The following SOX6 variants were observed in gnomAD, a reference collection of about 807,000 sequenced individuals.
SOX6 encodes transcription factor SOX-6.
In SOX6, 11 loss-of-function variants were observed where a neutral mutation model predicts 97.8. The observed-to-expected ratio is 0.11, with a 90% CI of 0.07 to 0.19. The LOEUF (loss-of-function observed/expected upper bound fraction) is 0.19. Ranked by LOEUF, SOX6 falls within the 10% of genes least tolerant of loss-of-function variation. The probability of loss-of-function intolerance (pLI) is 1.00; values close to 1 mark genes in which losing one functional copy is unlikely to be tolerated. For synonymous variants in SOX6, 360 were observed against 371.4 expected (o/e 0.97, Z 0.35); for missense variants, 810 against 1,039.5 (o/e 0.78, Z 3.04).
rs193034742 is a variant in SOX6, at chr11:16,666,417, G to A, written n.429+48413C>T. Among the ~76,000 whole-genome samples, 1,170 of 152,272 alleles carry A rather than the reference G, an allele frequency of 7.7e-3. 14 individuals are homozygous for A. The highest frequency in any genetic ancestry group is 0.027 in the African/African-American group (1,116 of 41,544). On this transcript the variant is annotated intron_variant and non_coding_transcript_variant, in intron 3 of 5. Coordinates refer to the SOX6 transcript ENST00000524520. ...AATGGAAATTCTGGAGTTGAAAAAT[G>A]CAAATGACATACTGAATAATGCATC...
chr11:16,174,403 G>A (rs1851126611), intron 6 of SOX6, among the ~76,000 whole-genome samples: 2 of 151,814 alleles, frequency 1.3e-5, no homozygotes, highest in African/African-American at 4.8e-5. Flanking sequence ...AAGTAATTCA[G>A]CTTCTTACAG....
intron 13 of SOX6, among the ~76,000 whole-genome samples, chr11:15,996,221 T>A (rs1275542632): frequency 2.0e-5 from 3 of 152,160 alleles, no homozygotes; most frequent in Non-Finnish European, 4.4e-5. Flanking sequence ...GATGAGGGTA[T>A]AAATAGAATT....
At chr11:16,524,477 T>C (rs1861123412) in intron 4 of SOX6, among the ~76,000 whole-genome samples, 1 of 152,108 alleles carries the variant, frequency 6.6e-6, no homozygotes, top group Non-Finnish European at 1.5e-5. Context: ...TGATGGGACA[T>C]ATCTCAAAAT....
chr11:16,721,504 CTCTCTCTCT>C (rs1848261741), intron 2 of SOX6, among the ~76,000 whole-genome samples: 1 of 9,156 alleles, frequency 1.1e-4, no homozygotes, highest in Non-Finnish European at 2.3e-4. Flanking sequence ...TTTTCTGTCT[CTCTCTCTCT>C]CTCTCTCTCT....
chr11:15,976,664 T>G (rs1304821995), intron 15 of SOX6, among the ~76,000 whole-genome samples: 1 of 152,178 alleles, frequency 6.6e-6, no homozygotes, highest in Non-Finnish European at 1.5e-5. Flanking sequence ...GAGGACTTCC[T>G]CTTTACCGCA....
At chr11:16,449,361 C>T (rs534833801) in intron 1 of SOX6, among the ~76,000 whole-genome samples, 126 of 133,540 alleles carry the variant, frequency 9.4e-4, no homozygotes, top group Middle Eastern at 4.9e-3. Context: ...GGAGCCATCT[C>T]GGCTCACTGC....
rs550553887 is a variant in SOX6, at chr11:16,161,862, G to A, written c.777+22024C>T. Among the ~76,000 whole-genome samples, 6 of 152,292 alleles carry A rather than the reference G, an allele frequency of 3.9e-5. No homozygotes were observed. In the South Asian group the frequency reaches 1.2e-3, roughly 32 times the overall value. ...TGTTCCAACATACTAACTCATGGCA[G>A]GAGGCTAAAGTTAAGGATATTTTAT... On this transcript the variant is annotated intron_variant, in intron 6 of 15. Coordinates refer to ENST00000683767, the MANE Select transcript of SOX6 (RefSeq NM_001367873.1).
chr11:16,725,131 T>C (rs554487311), intron 2 of SOX6, among the ~76,000 whole-genome samples: 8 of 152,330 alleles, frequency 5.3e-5, no homozygotes, highest in African/African-American at 1.9e-4. Flanking sequence ...AACTGATGAA[T>C]GGACAAACAA....
At chr11:16,649,207 T>C (rs1012586548) in intron 3 of SOX6, among the ~76,000 whole-genome samples, 1 of 152,306 alleles carries the variant, frequency 6.6e-6, no homozygotes. Context: ...GAGGGAATAA[T>C]TGAGGAAAAC....
intron 1 of SOX6, among the ~76,000 whole-genome samples, chr11:16,367,646 A>G (rs1857391790): frequency 6.6e-6 from 1 of 152,168 alleles, no homozygotes; most frequent in Admixed American, 6.6e-5. Context: ...ACTGCTCTCA[A>G]TCTCACCCTC....
intron 1 of SOX6, among the ~76,000 whole-genome samples, chr11:16,456,843 A>G (rs1042198082): frequency 2.0e-5 from 3 of 152,150 alleles, no homozygotes; most frequent in African/African-American, 7.2e-5. Context: ...TTTCTATGCT[A>G]GAACCACCTT....
chr11:16,375,325 C>T (rs1048795964), intron 1 of SOX6, among the ~76,000 whole-genome samples: 8 of 151,928 alleles, frequency 5.3e-5, no homozygotes, highest in African/African-American at 1.9e-4. Context: ...CATCACTGAA[C>T]CAGAGAGATT....
At chr11:16,481,918 A>G (rs2133125101) in intron 4 of SOX6, among the ~76,000 whole-genome samples, 1 of 152,114 alleles carries the variant, frequency 6.6e-6, no homozygotes, top group South Asian at 2.1e-4. Flanking sequence ...AGTATTATAA[A>G]GTATTTTATG....
rs573206025 is a variant in SOX6, at chr11:16,079,020, ATTCTGAGT to A, written c.1101+16968_1101+16975del. 1.4e-3 allele frequency among the ~76,000 whole-genome samples: 213 copies of A among 152,326 alleles called. 1 individual carries two copies. The highest frequency in any genetic ancestry group is 4.8e-3 in the African/African-American group (198 of 41,572). ...TACCATGAAACCGACTTTGTGTTCC[ATTCTGAGT>A]TTCTGAGTTTCTACGAAACACCATT... is the stretch of plus-strand genomic sequence containing the variant. On this transcript the variant is annotated intron_variant, in intron 9 of 15. Transcript: ENST00000683767.
At chr11:16,014,921 A>G in intron 13 of SOX6, 21 bp downstream of exon 13, 1 of 1,602,518 alleles carries the variant, frequency 6.2e-7, no homozygotes, top group Non-Finnish European at 8.5e-7. Flanking sequence ...AGCAGAAAAG[A>G]ACTAGAGAAA....
intron 15 of SOX6, among the ~76,000 whole-genome samples, chr11:15,984,429 T>G (rs1040415482): frequency 2.6e-5 from 4 of 152,170 alleles, no homozygotes; most frequent in African/African-American, 9.7e-5. Context: ...AGGGCAGGAA[T>G]CACAAGAGGT....
intron 2 of SOX6, among the ~76,000 whole-genome samples, chr11:16,723,804 G>A (rs1848284766): frequency 1.3e-5 from 2 of 151,960 alleles, no homozygotes; most frequent in Non-Finnish European, 2.9e-5. Flanking sequence ...AGAAAGAAAA[G>A]TCCAACCTCT....
intron 3 of SOX6, among the ~76,000 whole-genome samples, chr11:16,269,370 T>C (rs1360442788): frequency 2.6e-5 from 4 of 150,950 alleles, no homozygotes; most frequent in African/African-American, 9.7e-5. Context: ...CATTTGTAAT[T>C]TTCTTTTTAA....
intron 4 of SOX6, among the ~76,000 whole-genome samples, chr11:16,524,278 C>T (rs536050086): frequency 9.9e-5 from 15 of 151,618 alleles, no homozygotes; most frequent in Admixed American, 4.6e-4. Flanking sequence ...AGCTTATCCA[C>T]CATGATCAAG....
Sources: gnomAD v4.1 joint callset for allele counts (sites outside exome capture counted in the v4.1 genomes callset) on GRCh38, gnomAD v4.1.1 for gene constraint, MANE v1.5 for transcripts, NCBI Gene and HGNC (gene_info 2026-07-23, HGNC 2026-07-21) for gene names.